The following PHACTR4 variants were observed in gnomAD, a reference collection of about 807,000 sequenced individuals.
The protein encoded by PHACTR4 is protein phosphatase 1, regulatory subunit 124.
PHACTR4 carries 51 observed loss-of-function variants against 72.7 expected under a neutral mutation model. The ratio of observed to expected loss-of-function variants is 0.70; its 90% CI spans 0.56 to 0.89. The LOEUF (loss-of-function observed/expected upper bound fraction) is 0.89. Among genes scored for constraint, PHACTR4 ranks in the 40% least tolerant of loss-of-function variants. The pLI is 0.00. For synonymous variants in PHACTR4, 255 were observed against 302.5 expected (o/e 0.84, Z 1.63); for missense variants, 731 against 861.8 (o/e 0.85, Z 1.90).
chr1:28,473,133 G>T (rs1428398233), intron 6 of PHACTR4, among the ~76,000 whole-genome samples: 1 of 151,632 alleles, frequency 6.6e-6, no homozygotes. Context: ...AAATTAGCCG[G>T]GCCGTAGTGG....
chr1:28,415,385 C>A (rs1655045599), intron 2 of PHACTR4, among the ~76,000 whole-genome samples: 1 of 152,138 alleles, frequency 6.6e-6, no homozygotes, highest in South Asian at 2.1e-4. Flanking sequence ...ATGCTCCACA[C>A]CCCACTACTT....
At chr1:28,451,214 A>G (rs1657946526) in intron 2 of PHACTR4, among the ~76,000 whole-genome samples, 1 of 151,018 alleles carries the variant, frequency 6.6e-6, no homozygotes, top group Non-Finnish European at 1.5e-5. Flanking sequence ...CTGGCCTTCC[A>G]ATGTGCTGGG....
chr1:28,417,804 G>C (rs1241296604), intron 2 of PHACTR4, among the ~76,000 whole-genome samples: 7 of 152,132 alleles, frequency 4.6e-5, no homozygotes, highest in Non-Finnish European at 1.0e-4. Context: ...ATTTTATAAA[G>C]TTGGCAAAAT....
At chr1:28,452,895 G>T (rs944034544) in intron 2 of PHACTR4, among the ~76,000 whole-genome samples, 7 of 152,166 alleles carry the variant, frequency 4.6e-5, no homozygotes, top group Admixed American at 2.6e-4. Flanking sequence ...AAGGTGGGTG[G>T]ATCACTTGAG....
chr1:28,393,643 T>C lies in PHACTR4; in HGVS notation c.-38-13767T>C, dbSNP rs552665308. ...AATGACTATATTACTGGTTTATATA[T>C]TTACTATACTTTTTAATTGTTAGTG... is the stretch of plus-strand genomic sequence containing the variant. On this transcript the variant is annotated intron_variant, in intron 1 of 13. Coordinates refer to ENST00000373839, the MANE Select transcript of PHACTR4 (RefSeq NM_001048183.3). Among the ~76,000 whole-genome samples the C allele has an allele frequency of 2.8e-4, 43 of 152,266 alleles. No homozygotes were observed. In the South Asian group the frequency reaches 8.5e-3, roughly 30 times the overall value.
At chr1:28,375,795 C>T (rs1426306307) in intron 1 of PHACTR4, among the ~76,000 whole-genome samples, 6 of 152,180 alleles carry the variant, frequency 3.9e-5, no homozygotes, top group Non-Finnish European at 8.8e-5. Context: ...ATCGGCCAGG[C>T]GCGGTGGCTC....
intron 2 of PHACTR4, among the ~76,000 whole-genome samples, chr1:28,458,134 G>A (rs1431522101): frequency 1.3e-5 from 2 of 150,316 alleles, no homozygotes; most frequent in Admixed American, 1.3e-4. Context: ...GTGTGTGTGT[G>A]TGTGTGTGTG....
At chr1:28,402,480 G>A (rs951637935) in intron 1 of PHACTR4, among the ~76,000 whole-genome samples, 22 of 152,280 alleles carry the variant, frequency 1.4e-4, no homozygotes, top group Admixed American at 6.5e-4. Context: ...GGCTAGGCAT[G>A]TTGGCCTATG....
chr1:28,423,235 T>C (rs2124348120), intron 2 of PHACTR4, among the ~76,000 whole-genome samples: 1 of 152,194 alleles, frequency 6.6e-6, no homozygotes, highest in East Asian at 1.9e-4. Context: ...TAGCAAGACC[T>C]TGTCTTGACA....
chr1:28,418,306 T>TA (rs1419278185), intron 2 of PHACTR4, among the ~76,000 whole-genome samples: 4 of 134,552 alleles, frequency 3.0e-5, no homozygotes, highest in Non-Finnish European at 6.3e-5. Context: ...CTACTAAAAA[T>TA]ACAAAAAAAA....
At chr1:28,427,993 C>A (rs189319158) in intron 2 of PHACTR4, among the ~76,000 whole-genome samples, 37 of 152,240 alleles carry the variant, frequency 2.4e-4, no homozygotes, top group African/African-American at 8.7e-4. Context: ...ACATTTATTT[C>A]TTTGTGAGCT....
chr1:28,427,135 T>C (rs1336004587), intron 2 of PHACTR4, among the ~76,000 whole-genome samples: 2 of 152,216 alleles, frequency 1.3e-5, no homozygotes, highest in African/African-American at 4.8e-5. Flanking sequence ...TGATAACCAA[T>C]ACTTCTCTAC....
At chr1:28,488,348 T>G (rs889176784) in intron 9 of PHACTR4, among the ~76,000 whole-genome samples, 1 of 150,958 alleles carries the variant, frequency 6.6e-6, no homozygotes, top group Non-Finnish European at 1.5e-5. Context: ...ATACAAAAAA[T>G]TAGCCAGGCG....
intron 13 of PHACTR4, among the ~76,000 whole-genome samples, chr1:28,493,978 A>T (rs1349101828): frequency 6.6e-6 from 1 of 152,210 alleles, no homozygotes; most frequent in Non-Finnish European, 1.5e-5. Context: ...TACGGTTGTG[A>T]TTAAGGACCC....
At chr1:28,425,926 T>C (rs1031129700) in intron 2 of PHACTR4, among the ~76,000 whole-genome samples, 7 of 151,858 alleles carry the variant, frequency 4.6e-5, no homozygotes, top group African/African-American at 1.7e-4. Flanking sequence ...GGTTCCTTAA[T>C]AGATGTCAAC....
intron 1 of PHACTR4, among the ~76,000 whole-genome samples, chr1:28,399,040 G>A (rs748527213): frequency 3.9e-5 from 6 of 152,006 alleles, no homozygotes; most frequent in African/African-American, 7.2e-5. Flanking sequence ...GGCTGGGTGC[G>A]GTGGCTCACA....
At position 28,437,603 on chromosome 1, in the gene PHACTR4, G is replaced by T. The variant is rs1371050010; in HGVS notation, c.17-21482G>T. The stretch of plus-strand genomic sequence containing the variant: ...AGGTGCCAGGAGACTGGGTATCTGT[G>T]AGGGCCTTCTTCCTGGTTTCCAGAC... On this transcript the variant is annotated intron_variant, in intron 2 of 13. Transcript: ENST00000373839. Among the ~76,000 whole-genome samples, 6 of 152,292 alleles carry T rather than the reference G, an allele frequency of 3.9e-5. No homozygotes were observed. The Middle Eastern group carries it at 0.01, about 259-fold the overall frequency.
At chr1:28,398,301 A>G (rs148788688) in intron 1 of PHACTR4, among the ~76,000 whole-genome samples, 12,049 of 152,002 alleles carry the variant, frequency 0.079, 914 homozygotes, top group East Asian at 0.41. Flanking sequence ...TGGGCAGATC[A>G]TGAGGTCAGG....
intron 1 of PHACTR4, among the ~76,000 whole-genome samples, chr1:28,382,596 C>T (rs985621319): frequency 3.3e-5 from 5 of 152,150 alleles, no homozygotes; most frequent in Non-Finnish European, 5.9e-5. Flanking sequence ...AGCCACCGCG[C>T]CCGGCCTATC....
Sources: gnomAD v4.1 joint callset for allele counts (sites outside exome capture counted in the v4.1 genomes callset) on GRCh38, gnomAD v4.1.1 for gene constraint, MANE v1.5 for transcripts, NCBI Gene and HGNC (gene_info 2026-07-23, HGNC 2026-07-21) for gene names.